MEIS2: variants seen among roughly 807,000 people sequenced by gnomAD.
MEIS2 encodes the protein homeobox protein Meis2.
In MEIS2, 9 loss-of-function variants were observed where a neutral mutation model predicts 58.6. The observed-to-expected ratio is 0.15, with a 90% CI of 0.09 to 0.27. MEIS2 has a LOEUF of 0.27. Ranked by LOEUF, MEIS2 falls within the 10% of genes least tolerant of loss-of-function variation. The pLI is 1.00. For synonymous variants in MEIS2, 221 were observed against 228.4 expected, an observed-to-expected ratio of 0.97 and a Z score of 0.29; for missense variants, 427 against 635.0, an observed-to-expected ratio of 0.67 and a Z score of 3.52.
At chr15:37,042,087 G>T (rs939940241) in intron 7 of MEIS2, among the ~76,000 whole-genome samples, 1 of 152,076 alleles carries the variant, frequency 6.6e-6, no homozygotes, top group Non-Finnish European at 1.5e-5. Context: ...AGAGTTCGAG[G>T]CTGCAGTGGG....
At position 36,930,220 on chromosome 15, in the gene MEIS2, AGAG is replaced by A. The variant is rs950571443; in HGVS notation, c.977+20101_977+20103del. On this transcript the variant is annotated intron_variant, in intron 9 of 11. Transcript: ENST00000561208. The stretch of plus-strand genomic sequence containing the variant: ...TCAGTCTTAAAAAAAAAAAAAAAAA[AGAG>A]AGAGAGAGAGAAAAAAAAAGTTATC... 2.5e-4 allele frequency among the ~76,000 whole-genome samples: 34 copies of A among 133,952 alleles called. No individual in the cohort carries two copies. In the South Asian group the frequency reaches 6.4e-3, roughly 25 times the overall value. The allele number at this position is 133,952 out of a possible 152,430, so 87.9% of individuals were successfully genotyped here.
intron 8 of MEIS2, among the ~76,000 whole-genome samples, chr15:36,965,289 C>T (rs946193601): frequency 6.6e-6 from 1 of 151,972 alleles, no homozygotes; most frequent in Non-Finnish European, 1.5e-5. Flanking sequence ...TTGATTATAC[C>T]AACTCAAGGC....
At chr15:36,989,254 C>T (rs1191457990) in intron 8 of MEIS2, among the ~76,000 whole-genome samples, 1 of 152,138 alleles carries the variant, frequency 6.6e-6, no homozygotes, top group African/African-American at 2.4e-5. Context: ...GGAGGAAGAA[C>T]CAAACTAAAG....
At chr15:37,005,197 G>A (rs1023353604) in intron 8 of MEIS2, among the ~76,000 whole-genome samples, 3 of 152,190 alleles carry the variant, frequency 2.0e-5, no homozygotes, top group Non-Finnish European at 2.9e-5. Flanking sequence ...TCACCATGAT[G>A]TTATCCAGCC....
intron 8 of MEIS2, among the ~76,000 whole-genome samples, chr15:36,991,818 C>T (rs867362053): frequency 4.0e-5 from 4 of 98,916 alleles, no homozygotes; most frequent in South Asian, 4.1e-4. Flanking sequence ...GACGGAGTCT[C>T]GCTCTGTCGC....
chr15:36,940,681 T>A (rs1367460247), intron 9 of MEIS2, among the ~76,000 whole-genome samples: 1 of 152,178 alleles, frequency 6.6e-6, no homozygotes, highest in Non-Finnish European at 1.5e-5. Flanking sequence ...CAGCAAGGAC[T>A]AGAAGATTTC....
chr15:36,930,658 C>CAAA (rs140947418), intron 9 of MEIS2, among the ~76,000 whole-genome samples: 2 of 151,298 alleles, frequency 1.3e-5, no homozygotes, highest in Non-Finnish European at 1.5e-5. Flanking sequence ...AAGTCATAAG[C>CAAA]AAAAAAAATG....
At chr15:36,953,473 C>T (rs1309795621) in intron 8 of MEIS2, among the ~76,000 whole-genome samples, 1 of 152,160 alleles carries the variant, frequency 6.6e-6, no homozygotes, top group Non-Finnish European at 1.5e-5. Flanking sequence ...ATAGTTTAGT[C>T]TGTTCACTGT....
In MEIS2 at chr15:37,093,583, G is replaced by A; in HGVS notation, c.637C>T (p.His213Tyr). 1 of 1,614,064 alleles carries A rather than the reference G, an allele frequency of 6.2e-7. No homozygotes were observed. The highest frequency in any genetic ancestry group is 8.5e-7 in the Non-Finnish European group (1 of 1,179,944). Reference sequence around the variant, plus strand: ...TTGCTAAAGGCTAGCAGACTTACATGGTCAGCGAGATTTGTGGAGGAGCCT... The same window carrying A: ...TTGCTAAAGGCTAGCAGACTTACATAGTCAGCGAGATTTGTGGAGGAGCCT... ...LSGSSTNLAD[H>Y]NPSSWRDHDD... is the part of the protein sequence containing the mutation. The change falls in exon 6 of 12, where the codon CAT becomes TAT. Residue 213 changes from histidine to tyrosine, a missense_variant and splice_region_variant. By Grantham distance (83) the His-to-Tyr change is moderately conservative (BLOSUM62 2). This residue lies in a region of MEIS2 where 138 missense variants were observed against 263.0 expected (regional missense o/e 0.52). Transcript: ENST00000561208.
chr15:37,083,669 C>A, intron 7 of MEIS2, 102 bp downstream of exon 7: 2 of 821,126 alleles, frequency 2.4e-6, no homozygotes, highest in Admixed American at 2.6e-5. Context: ...CCCTAACCTG[C>A]CACTCTCCTG....
At chr15:36,939,740 A>G (rs2093379986) in intron 9 of MEIS2, among the ~76,000 whole-genome samples, 1 of 152,216 alleles carries the variant, frequency 6.6e-6, no homozygotes, top group Non-Finnish European at 1.5e-5. Context: ...ATTTAAAATT[A>G]GTGAACTACT....
intron 9 of MEIS2, among the ~76,000 whole-genome samples, chr15:36,915,359 G>A (rs1305508530): frequency 6.6e-6 from 1 of 152,170 alleles, no homozygotes; most frequent in Non-Finnish European, 1.5e-5. Flanking sequence ...TGTGTGCTAG[G>A]AGGGAAGCTC....
At chr15:37,090,417 T>C (rs1465083753) in intron 6 of MEIS2, among the ~76,000 whole-genome samples, 1 of 152,156 alleles carries the variant, frequency 6.6e-6, no homozygotes, top group Non-Finnish European at 1.5e-5. Flanking sequence ...TTCTAATGCA[T>C]CTGTTATATC....
At chr15:36,985,249 T>A (rs2060057186) in intron 8 of MEIS2, among the ~76,000 whole-genome samples, 1 of 152,188 alleles carries the variant, frequency 6.6e-6, no homozygotes, top group African/African-American at 2.4e-5. Context: ...ATGGGAGATT[T>A]ATTCAAATGT....
At chr15:36,983,861 CTACTTGGTT>C (rs1345376923) in intron 8 of MEIS2, among the ~76,000 whole-genome samples, 1 of 151,932 alleles carries the variant, frequency 6.6e-6, no homozygotes, top group Non-Finnish European at 1.5e-5. Context: ...GATCCTTTGC[CTACTTGGTT>C]TATTTTTTTC....
intron 7 of MEIS2, among the ~76,000 whole-genome samples, chr15:37,048,352 A>G (rs1037482626): frequency 6.6e-6 from 1 of 152,108 alleles, no homozygotes; most frequent in Non-Finnish European, 1.5e-5. Context: ...ATCAATAATA[A>G]AATTTGTTGG....
chr15:37,007,768 A>G (rs955278155), intron 8 of MEIS2, among the ~76,000 whole-genome samples: 4 of 152,230 alleles, frequency 2.6e-5, no homozygotes, highest in Non-Finnish European at 4.4e-5. Context: ...TAAAAACGCC[A>G]TCTAAGATTA....
At chr15:36,925,127 A>AAAAAACAAAAAC (rs900251183) in intron 9 of MEIS2, among the ~76,000 whole-genome samples, 3 of 152,206 alleles carry the variant, frequency 2.0e-5, no homozygotes, top group Non-Finnish European at 4.4e-5. Context: ...CCCTAGCTCA[A>AAAAAACAAAAAC]AAAAACAAAA....
At chr15:36,945,847 T>C (rs1371085599) in intron 9 of MEIS2, among the ~76,000 whole-genome samples, 1 of 152,008 alleles carries the variant, frequency 6.6e-6, no homozygotes, top group East Asian at 1.9e-4. Context: ...TTCAGTTTCA[T>C]GCTTTTTTAT....
Sources: gnomAD v4.1 joint callset for allele counts (sites outside exome capture counted in the v4.1 genomes callset) on GRCh38, gnomAD v4.1.1 for gene constraint, gnomAD v4.1.1 regional missense constraint, MANE v1.5 for transcripts, NCBI Gene and HGNC (gene_info 2026-07-23, HGNC 2026-07-21) for gene names.